TMEM233: variants seen among roughly 807,000 people sequenced by gnomAD.
TMEM233 encodes dispanin subfamily B member 2.
A neutral mutation model predicts 11.2 loss-of-function variants in TMEM233; 6 were observed. That is an observed-to-expected ratio of 0.54 (90% CI 0.29 to 1.06). TMEM233 has a LOEUF of 1.06. Among genes scored for constraint, TMEM233 ranks in the 50% least tolerant of loss-of-function variants. The pLI, the probability that TMEM233 is intolerant of heterozygous loss-of-function variation, is 0.08. For missense variants in TMEM233, 127 were observed against 144.7 expected, an observed-to-expected ratio of 0.88 and a Z score of 0.63; for synonymous variants, 59 against 55.8, an observed-to-expected ratio of 1.06 and a Z score of -0.26.
chr12:119,633,654 A>AAG (rs1262338044), intron 2 of TMEM233, among the ~76,000 whole-genome samples: 2 of 151,838 alleles, frequency 1.3e-5, no homozygotes, highest in Non-Finnish European at 2.9e-5. Flanking sequence ...ATGTAGGGGC[A>AAG]AGAGAGAGAG....
At chr12:119,640,468 T>C (rs1319473919) in intron 2 of TMEM233, among the ~76,000 whole-genome samples, 1 of 152,216 alleles carries the variant, frequency 6.6e-6, no homozygotes, top group Non-Finnish European at 1.5e-5. Context: ...TTTTTGCTTT[T>C]GTTTTTTTGC....
At chr12:119,619,589 C>A (rs1310783430) in intron 1 of TMEM233, among the ~76,000 whole-genome samples, 4 of 150,038 alleles carry the variant, frequency 2.7e-5, no homozygotes, top group Non-Finnish European at 4.4e-5. Context: ...TGCAGTGAGC[C>A]AAGATCATGC....
At chr12:119,651,015 T>C in the TMEM233 span, among the ~76,000 whole-genome samples, 1 of 152,200 alleles carries the variant, frequency 6.6e-6, no homozygotes, top group African/African-American at 2.4e-5. Context: ...GCACAATAAT[T>C]AATATACACA....
chr12:119,601,651 C>A (rs1238042882), intron 1 of TMEM233, among the ~76,000 whole-genome samples: 2 of 92,380 alleles, frequency 2.2e-5, no homozygotes, highest in African/African-American at 8.4e-5. Flanking sequence ...GAGCGAGATT[C>A]CGCCTCAAAA....
At position 119,641,958 on chromosome 12, in the gene TMEM233, A is replaced by G. The variant is rs1490087915; in HGVS notation, c.*1253A>G. 6.6e-6 allele frequency: 1 copy of G among 152,184 alleles called. No individual in the cohort carries two copies. Among genetic ancestry groups the G allele is most frequent in the Non-Finnish European group, 1.5e-5 (1 of 68,030 alleles). The allele number at this position is 152,184 out of a possible 1,614,324, so 9.4% of individuals were successfully genotyped here. A position where few individuals can be genotyped will look rare whatever the true frequency, so the allele number is the denominator to read the frequency against. ...GAATTTAATGATATTGTTTTGTGTC[A>G]TGGTATTTATTTTATTTATTACCTT... On this transcript the variant is annotated 3_prime_UTR_variant, in exon 3 of 3. Transcript: ENST00000426426.
intron 2 of TMEM233, among the ~76,000 whole-genome samples, chr12:119,632,008 A>G (rs1954895853): frequency 6.6e-6 from 1 of 152,230 alleles, no homozygotes; most frequent in African/African-American, 2.4e-5. Context: ...CTTTATATTT[A>G]TGAGCCAAAC....
At chr12:119,653,829 C>T in the TMEM233 span, among the ~76,000 whole-genome samples, 1 of 151,884 alleles carries the variant, frequency 6.6e-6, no homozygotes, top group African/African-American at 2.4e-5. Flanking sequence ...AGAGAAGTAT[C>T]AAGCATTCTA....
chr12:119,609,849 C>T (rs1417126991), intron 1 of TMEM233, among the ~76,000 whole-genome samples: 1 of 152,216 alleles, frequency 6.6e-6, no homozygotes, highest in African/African-American at 2.4e-5. Context: ...TCTGCTAGGG[C>T]AGTGTGGAAG....
rs778871814 is a variant in TMEM233 at position 119,593,809 on chromosome 12, C to G, written c.-40C>G. Reference sequence around the variant, plus strand: ...GGCCAGAGCCCCAGACCACACAGACCGTGCGCTCCTCCGCCCTCCCGGCGC... The same window carrying G: ...GGCCAGAGCCCCAGACCACACAGACGGTGCGCTCCTCCGCCCTCCCGGCGC... On this transcript the variant is annotated 5_prime_UTR_variant, in exon 1 of 3. Transcript: ENST00000426426. This position sits in a 1 kb window ranked among gnomAD's most constrained non-coding sequence, Gnocchi z 4.1. 3.2e-6 allele frequency: 5 copies of G among 1,542,248 alleles called. No homozygotes were observed. The highest frequency in any genetic ancestry group is 4.4e-6 in the Non-Finnish European group (5 of 1,141,298).
In TMEM233 at chr12:119,640,855, A is replaced by AT. The variant is rs1955071772; in HGVS notation, c.*150_*151insT. 79 of 566,080 alleles carry AT rather than the reference A, an allele frequency of 1.4e-4. No homozygotes were observed. Among genetic ancestry groups the AT allele is most frequent in the Middle Eastern group, 4.6e-4 (1 of 2,170 alleles). The allele number at this position is 566,080 out of a possible 1,614,324, so 35.1% of individuals were successfully genotyped here. A position where few individuals can be genotyped will look rare whatever the true frequency, so the allele number is the denominator to read the frequency against. Reference sequence around the variant, plus strand: ...GAGGCAGGTCCCTGGCAAATGAACAAGAAAAAAAAAAAAAAAAAGTCCAAA... The same window carrying AT: ...GAGGCAGGTCCCTGGCAAATGAACAATGAAAAAAAAAAAAAAAAAGTCCAAA... On this transcript the variant is annotated 3_prime_UTR_variant, in exon 3 of 3. Transcript: ENST00000426426.
intron 2 of TMEM233, chr12:119,634,377 G>T (rs940955313): frequency 3.3e-6 from 2 of 601,028 alleles, no homozygotes; most frequent in African/African-American, 2.0e-5. Flanking sequence ...TTGGGCTGAG[G>T]TGGGAGGATC....
chr12:119,636,818 C>T (rs1464807632), intron 2 of TMEM233, among the ~76,000 whole-genome samples: 4 of 152,338 alleles, frequency 2.6e-5, no homozygotes, highest in Non-Finnish European at 5.9e-5. Flanking sequence ...GTAAGGTTCT[C>T]ATGTCAGGGC....
rs543919287 is a variant in TMEM233, at chr12:119,638,285, T to C, written c.324-2414T>C. 2.4e-4 allele frequency among the ~76,000 whole-genome samples: 37 copies of C among 151,960 alleles called. No homozygotes were observed. In the East Asian group the frequency reaches 6.4e-3, roughly 26 times the overall value. ...GGCCAGCCTGGGAAACATAGCAAGA[T>C]CTCATCTCTACTAAAAATTTAAAAA... On this transcript the variant is annotated intron_variant, in intron 2 of 2. Transcript: ENST00000426426.
intron 2 of TMEM233, among the ~76,000 whole-genome samples, chr12:119,630,146 G>A (rs1019155895): frequency 3.3e-5 from 5 of 152,224 alleles, no homozygotes; most frequent in Non-Finnish European, 7.3e-5. Context: ...GAGGGACATA[G>A]TCCCAACTAC....
At chr12:119,634,352 C>T in intron 2 of TMEM233, 1 of 830,830 alleles carries the variant, frequency 1.2e-6, no homozygotes, top group South Asian at 5.5e-5. Flanking sequence ...TGGCTCACAC[C>T]TGTAATCCAA....
intron 1 of TMEM233, among the ~76,000 whole-genome samples, chr12:119,613,126 G>A (rs571303154): frequency 3.2e-4 from 48 of 150,446 alleles, no homozygotes; most frequent in African/African-American, 1.2e-3. Context: ...CCAATTGTTT[G>A]GTCAACCAAG....
intron 1 of TMEM233, among the ~76,000 whole-genome samples, chr12:119,626,497 G>A (rs1226450039): frequency 1.5e-5 from 1 of 65,864 alleles, no homozygotes; most frequent in African/African-American, 7.6e-5. Context: ...GAAGAAAAAG[G>A]AGGAGGAGGA....
intron 1 of TMEM233, among the ~76,000 whole-genome samples, chr12:119,628,694 G>A (rs963043195): frequency 6.6e-5 from 10 of 151,074 alleles, no homozygotes; most frequent in African/African-American, 2.2e-4. Flanking sequence ...TAGAGACGGG[G>A]TTTCACTGTG....
At chr12:119,596,176 A>G (rs905829821) in intron 1 of TMEM233, among the ~76,000 whole-genome samples, 1 of 152,156 alleles carries the variant, frequency 6.6e-6, no homozygotes, top group African/African-American at 2.4e-5. Context: ...GCTGCAGCCA[A>G]ATTCTCCAGG....
Sources: gnomAD v4.1 joint callset for allele counts (sites outside exome capture counted in the v4.1 genomes callset) on GRCh38, gnomAD v4.1.1 for gene constraint, Gnocchi (gnomAD v3.1) non-coding constraint, MANE v1.5 for transcripts, NCBI Gene and HGNC (gene_info 2026-07-23, HGNC 2026-07-21) for gene names.